Variants in HS6ST3 observed in about 807,000 individuals in gnomAD.
HS6ST3 encodes heparan-sulfate 6-O-sulfotransferase 3.
HS6ST3 carries 12 observed loss-of-function variants against 36.7 expected under a neutral mutation model. That is an observed-to-expected ratio of 0.33 (90% CI 0.21 to 0.53). HS6ST3 has a LOEUF of 0.53. Ranked by LOEUF, HS6ST3 falls within the 20% of genes least tolerant of loss-of-function variation. The probability of loss-of-function intolerance (pLI) is 0.95; values close to 1 mark genes in which losing one functional copy is unlikely to be tolerated. For missense variants in HS6ST3, 584 were observed against 640.9 expected (o/e 0.91, Z 0.96); for synonymous variants, 240 against 257.5 (o/e 0.93, Z 0.65).
chr13:96,590,905 A>G (rs566152177), intron 1 of HS6ST3, among the ~76,000 whole-genome samples: 12 of 152,210 alleles, frequency 7.9e-5, no homozygotes, highest in Non-Finnish European at 1.2e-4. Flanking sequence ...ATTCTTCTGC[A>G]TTGGATATCC....
intron 1 of HS6ST3, among the ~76,000 whole-genome samples, chr13:96,686,840 G>A (rs537235384): frequency 6.6e-6 from 1 of 152,102 alleles, no homozygotes; most frequent in South Asian, 2.1e-4. Context: ...ATAGCCATAG[G>A]TAACAGATAC....
chr13:96,787,250 G>C (rs1239042079), intron 1 of HS6ST3, among the ~76,000 whole-genome samples: 1 of 152,094 alleles, frequency 6.6e-6, no homozygotes, highest in East Asian at 1.9e-4. Context: ...CGAGGAGTAG[G>C]ATGACTGGGT....
intron 1 of HS6ST3, among the ~76,000 whole-genome samples, chr13:96,215,614 T>A (rs1281595387): frequency 6.6e-6 from 1 of 152,216 alleles, no homozygotes; most frequent in African/African-American, 2.4e-5. Flanking sequence ...GTAGTTTCAA[T>A]TTCTTTGTTG....
chr13:96,745,518 A>G (rs551201990), intron 1 of HS6ST3, among the ~76,000 whole-genome samples: 29 of 152,238 alleles, frequency 1.9e-4, no homozygotes, highest in Admixed American at 6.5e-4. Flanking sequence ...GCATAGCTGG[A>G]GCCATTTACA....
intron 1 of HS6ST3, among the ~76,000 whole-genome samples, chr13:96,723,025 A>G (rs1875891438): frequency 7.7e-6 from 1 of 130,552 alleles, no homozygotes; most frequent in Admixed American, 7.7e-5. Flanking sequence ...GTGTGTGTGT[A>G]CAAGATACAA....
At chr13:96,735,490 G>A (rs916768626) in intron 1 of HS6ST3, among the ~76,000 whole-genome samples, 20 of 152,124 alleles carry the variant, frequency 1.3e-4, no homozygotes, top group African/African-American at 3.9e-4. Context: ...AGGATATTAA[G>A]CATTAAAACT....
intron 1 of HS6ST3, among the ~76,000 whole-genome samples, chr13:96,500,237 C>T (rs1172741912): frequency 1.3e-5 from 2 of 152,124 alleles, no homozygotes; most frequent in South Asian, 2.1e-4. Flanking sequence ...CAAGGCTCAT[C>T]CATGTTGTAG....
intron 1 of HS6ST3, among the ~76,000 whole-genome samples, chr13:96,515,207 C>A (rs1037597536): frequency 2.0e-5 from 3 of 152,150 alleles, no homozygotes; most frequent in Non-Finnish European, 4.4e-5. Context: ...ACCATGAACA[C>A]GCAGCTCTAA....
intron 1 of HS6ST3, among the ~76,000 whole-genome samples, chr13:96,589,295 T>C (rs1186758661): frequency 6.6e-6 from 1 of 152,056 alleles, no homozygotes; most frequent in Non-Finnish European, 1.5e-5. Flanking sequence ...ATCAAGGAAA[T>C]TATGCATTTC....
intron 1 of HS6ST3, among the ~76,000 whole-genome samples, chr13:96,650,690 T>G (rs1594827353): frequency 1.3e-5 from 2 of 152,106 alleles, no homozygotes; most frequent in African/African-American, 4.8e-5. Context: ...ATAAGAATGA[T>G]GTGGGTGAAT....
rs142473131 is a variant in HS6ST3 at position 96,320,180 on chromosome 13, G to A, written c.707+228611G>A. ...TCTCCTCTTTTTTTTGTCCTGAAAAGTCACTCTTGTGCACACATGAACACT... is the reference window on the plus strand; with the variant it reads ...TCTCCTCTTTTTTTTGTCCTGAAAAATCACTCTTGTGCACACATGAACACT... On this transcript the variant is annotated intron_variant, in intron 1 of 1. Transcript: ENST00000376705. Among the ~76,000 whole-genome samples, 505 of 152,218 alleles carry A rather than the reference G, an allele frequency of 3.3e-3. 4 individuals carry two copies. Among genetic ancestry groups the A allele is most frequent in the African/African-American group, 0.012 (484 of 41,546 alleles).
chr13:96,752,359 A>G (rs1447387451), intron 1 of HS6ST3, among the ~76,000 whole-genome samples: 1 of 152,090 alleles, frequency 6.6e-6, no homozygotes, highest in African/African-American at 2.4e-5. Flanking sequence ...GGGTGTGCAC[A>G]TGTTCAGGTG....
chr13:96,829,495 T>C (rs1878724745), intron 1 of HS6ST3, among the ~76,000 whole-genome samples: 1 of 152,084 alleles, frequency 6.6e-6, no homozygotes, highest in Non-Finnish European at 1.5e-5. Flanking sequence ...CCCCAACTTC[T>C]GATAGGCCCC....
At chr13:96,456,358 T>C (rs1213934053) in intron 1 of HS6ST3, among the ~76,000 whole-genome samples, 3 of 152,166 alleles carry the variant, frequency 2.0e-5, no homozygotes, top group African/African-American at 7.2e-5. Flanking sequence ...CTATTTATAA[T>C]CAATTTTCAG....
chr13:96,402,363 CT>C (rs2055456254), intron 1 of HS6ST3, among the ~76,000 whole-genome samples: 1 of 152,100 alleles, frequency 6.6e-6, no homozygotes, highest in South Asian at 2.1e-4. Flanking sequence ...ATAATGAATA[CT>C]ATATAAGTTT....
intron 1 of HS6ST3, among the ~76,000 whole-genome samples, chr13:96,105,198 T>C (rs553538116): frequency 4.0e-5 from 6 of 151,880 alleles, no homozygotes; most frequent in Non-Finnish European, 8.8e-5. Context: ...GTGACATGGA[T>C]GTGGATTGAT....
chr13:96,502,982 A>G (rs1201599006), intron 1 of HS6ST3, among the ~76,000 whole-genome samples: 1 of 152,192 alleles, frequency 6.6e-6, no homozygotes, highest in Non-Finnish European at 1.5e-5. Flanking sequence ...CAGGTCAATT[A>G]ACTACAACTG....
intron 1 of HS6ST3, among the ~76,000 whole-genome samples, chr13:96,150,187 G>A (rs2054078273): frequency 6.6e-6 from 1 of 152,162 alleles, no homozygotes; most frequent in African/African-American, 2.4e-5. Flanking sequence ...GTGGCAAGAG[G>A]GGACCCTGAA....
chr13:96,838,479 T>A lies in HS6ST3; in HGVS notation c.*5281T>A, dbSNP rs1054452659. 1 of 152,276 alleles carries A rather than the reference T, an allele frequency of 6.6e-6. No homozygotes were observed. The highest frequency in any genetic ancestry group is 1.5e-5 in the Non-Finnish European group (1 of 68,114). 9.4% of individuals were successfully genotyped at this position (152,276 alleles called of 1,614,324 possible). A position where few individuals can be genotyped will look rare whatever the true frequency, so the allele number is the denominator to read the frequency against. On this transcript the variant is annotated 3_prime_UTR_variant, in exon 2 of 2. Transcript: ENST00000376705. The stretch of plus-strand genomic sequence containing the variant: ...CTTTCCCATAGTTGCTGTGACCCCA[T>A]TGGTCACCAGAGCAACTGCATGTCT...
Sources: allele counts gnomAD v4.1 joint callset (sites outside exome capture counted in the v4.1 genomes callset), GRCh38; gene constraint gnomAD v4.1.1; transcripts MANE v1.5; gene names NCBI Gene and HGNC (gene_info 2026-07-23, HGNC 2026-07-21).